DNAH17: variants seen among roughly 807,000 people sequenced by gnomAD.
DNAH17 encodes the protein dynein axonemal heavy chain 17, also known as axonemal beta dynein heavy chain 17.
In DNAH17, 376 loss-of-function variants were observed where a neutral mutation model predicts 485.6. The observed-to-expected ratio is 0.77, with a 90% CI of 0.71 to 0.84. The LOEUF is 0.84. DNAH17 is among the 40% of genes least tolerant of loss of function. The probability of loss-of-function intolerance (pLI) is 0.00; values close to 1 mark genes in which losing one functional copy is unlikely to be tolerated. For synonymous variants in DNAH17, 3,031 were observed against 2,405.9 expected (o/e 1.26, Z -7.60); for missense variants, 6,370 against 5,839.3 (o/e 1.09, Z -2.96).
At position 78,444,653 on chromosome 17, in the gene DNAH17, G is replaced by A. The variant is rs1437592351; in HGVS notation, c.11479C>T (p.Leu3827=). 3 of 1,605,936 alleles carry A rather than the reference G, an allele frequency of 1.9e-6. No individual in the cohort carries two copies. Among genetic ancestry groups the A allele is most frequent in the Non-Finnish European group, 2.5e-6 (3 of 1,176,932 alleles). ...EWKNKTALQK[L]CMVRCLRPDR... ...GGCCGCAGGCAGCGCACCATGCACA[G>A]CTTCTGCAGGGCCGTCTTGTTCTTC... Residue 3827 remains leucine, a synonymous_variant, in exon 71 of 81, where the codon CTG becomes TTG. Transcript: ENST00000389840.
At chr17:78,546,228 G>T (rs1248440339) in intron 16 of DNAH17, among the ~76,000 whole-genome samples, 2 of 152,178 alleles carry the variant, frequency 1.3e-5, no homozygotes, top group Non-Finnish European at 2.9e-5. Flanking sequence ...GCTCGGCTGT[G>T]AGAACTGCCA....
At chr17:78,473,270 C>T (rs988684963) in intron 54 of DNAH17, among the ~76,000 whole-genome samples, 9 of 152,152 alleles carry the variant, frequency 5.9e-5, no homozygotes, top group Non-Finnish European at 1.0e-4. Flanking sequence ...GATGGCCGGG[C>T]GCAGTGGCTC....
intron 19 of DNAH17, 52 bp downstream of exon 19, chr17:78,537,247 T>C: frequency 6.6e-7 from 1 of 1,514,608 alleles, no homozygotes; most frequent in Non-Finnish European, 8.9e-7. Flanking sequence ...CAACACCAAA[T>C]GGGGAAAGCA....
rs1287034802 is a variant in DNAH17, at chr17:78,424,202, G to A, written c.13142-49C>T. Reference sequence around the variant, plus strand: ...GTCAGGTGTGCTGCCAGTAAGTGAGGGAGGGGCTGGCAGGAAGGGTGGGGT... The same window carrying A: ...GTCAGGTGTGCTGCCAGTAAGTGAGAGAGGGGCTGGCAGGAAGGGTGGGGT... On this transcript the variant is annotated intron_variant, in intron 80 of 80. Transcript: ENST00000389840. 4.5e-6 allele frequency: 7 copies of A among 1,563,740 alleles called. No homozygotes were observed. The South Asian group carries it at 8.3e-5, about 18-fold the overall frequency.
rs539741740 is a variant in DNAH17 at position 78,566,285 on chromosome 17, T to C, written c.1569+329A>G. Among the ~76,000 whole-genome samples, 95 of 152,342 alleles carry C rather than the reference T, an allele frequency of 6.2e-4. 1 individual carries two copies. Among genetic ancestry groups the C allele is most frequent in the Admixed American group, 3.1e-3 (48 of 15,296 alleles). ...TTTATTTTTACACCAACTTTACCTC[T>C]TTAACTTTCACTCCTTTTGAGTAGT... On this transcript the variant is annotated intron_variant, in intron 11 of 80. Coordinates refer to ENST00000389840, the MANE Select transcript of DNAH17 (RefSeq NM_173628.4).
intron 41 of DNAH17, among the ~76,000 whole-genome samples, chr17:78,493,824 C>A (rs1011770938): frequency 2.6e-5 from 4 of 152,206 alleles, no homozygotes; most frequent in Non-Finnish European, 5.9e-5. Flanking sequence ...GGAGGCCTCA[C>A]CCAGGGATCA....
chr17:78,543,769 T>A, intron 17 of DNAH17, 88 bp downstream of exon 17: 1 of 1,588,678 alleles, frequency 6.3e-7, no homozygotes, highest in Non-Finnish European at 8.6e-7. Context: ...CACTAATCAT[T>A]TTTATGAAAT....
In DNAH17 at chr17:78,489,789, G is replaced by A. The variant is rs528575262; in HGVS notation, c.6818+910C>T. On this transcript the variant is annotated intron_variant, in intron 44 of 80. Coordinates refer to ENST00000389840, the MANE Select transcript of DNAH17 (RefSeq NM_173628.4). ...CCCAGCATGGAATATCCTGGGGTTG[G>A]ACACACATGGCAGGTGTGCGAAGTA... Among the ~76,000 whole-genome samples the A allele has an allele frequency of 8.1e-5, 10 of 124,018 alleles. No individual in the cohort carries two copies. In the East Asian group the frequency reaches 2.2e-3, roughly 27 times the overall value. The allele number at this position is 124,018 out of a possible 152,430, so 81.4% of individuals were successfully genotyped here. A position where few individuals can be genotyped will look rare whatever the true frequency, so the allele number is the denominator to read the frequency against.
chr17:78,486,565 T>TG, intron 44 of DNAH17, 59 bp from the exon 45 acceptor site: 1 of 1,534,260 alleles, frequency 6.5e-7, no homozygotes, highest in Non-Finnish European at 8.8e-7. Flanking sequence ...CCAGTGTCCC[T>TG]GCCTTGGTAA....
chr17:78,480,578 T>TTA, intron 49 of DNAH17, 106 bp downstream of exon 49: 1 of 870,426 alleles, frequency 1.1e-6, no homozygotes, highest in African/African-American at 1.8e-5. Context: ...CCAGAAAATG[T>TTA]CGGCCTGCAG....
At chr17:78,426,840 T>G in intron 78 of DNAH17, 86 bp downstream of exon 78, 14 of 1,490,232 alleles carry the variant, frequency 9.4e-6, no homozygotes, top group African/African-American at 1.4e-5. Context: ...CCGGGGCCTG[T>G]GCTAGGCCTG....
chr17:78,493,875 C>G (rs2089963525), intron 41 of DNAH17, 161 bp downstream of exon 41: 1 of 1,055,918 alleles, frequency 9.5e-7, no homozygotes, highest in African/African-American at 1.6e-5. Flanking sequence ...CCTCCTCGGC[C>G]CCCAGCTTCC....
At position 78,461,544 on chromosome 17, in the gene DNAH17, C is replaced by CT. The variant is rs1568086784; in HGVS notation, c.9338dup (p.Asn3114GlufsTer4). Reference sequence around the variant, plus strand: ...GGCACGCTGGGCTGCCTTCACCTACCTTATTGATGACCTCGACCTTGACTT... The same window carrying CT: ...GGCACGCTGGGCTGCCTTCACCTACCTTTATTGATGACCTCGACCTTGACTT... On this transcript the variant is annotated frameshift_variant and splice_region_variant, in exon 58 of 81. Transcript: ENST00000389840. LOFTEE classifies it high-confidence loss of function. 1 of 1,584,320 alleles carries CT rather than the reference C, an allele frequency of 6.3e-7. No individual in the cohort carries two copies. The highest frequency in any genetic ancestry group is 1.2e-5 in the South Asian group (1 of 86,498).
chr17:78,535,580 C>CAT (rs952985993), intron 19 of DNAH17, among the ~76,000 whole-genome samples: 10 of 152,214 alleles, frequency 6.6e-5, no homozygotes, highest in Admixed American at 4.6e-4. Flanking sequence ...CAGGACAGCT[C>CAT]ATCTCGCTGT....
In DNAH17 at chr17:78,451,911, C is replaced by T. The variant is rs1003629574; in HGVS notation, c.10530-238G>A. Among the ~76,000 whole-genome samples the T allele has an allele frequency of 3.9e-5, 6 of 152,200 alleles. No homozygotes were observed. In the East Asian group the frequency reaches 9.7e-4, roughly 25 times the overall value. On this transcript the variant is annotated intron_variant, in intron 65 of 80. Transcript: ENST00000389840. Reference sequence around the variant, plus strand: ...TGGGTGATCAGGCTCATCTTTGCAGCAGGGTTTACACCCCTCTGGCGATAC... The same window carrying T: ...TGGGTGATCAGGCTCATCTTTGCAGTAGGGTTTACACCCCTCTGGCGATAC...
chr17:78,537,002 A>G (rs143050094), intron 19 of DNAH17, among the ~76,000 whole-genome samples: 113 of 151,896 alleles, frequency 7.4e-4, no homozygotes, highest in African/African-American at 2.6e-3. Flanking sequence ...GGTTAAACCC[A>G]GTCTCTACTA....
chr17:78,541,291 T>TGGGTG (rs1325767801), intron 17 of DNAH17, among the ~76,000 whole-genome samples: 1 of 15,524 alleles, frequency 6.4e-5, no homozygotes, highest in African/African-American at 3.2e-4. Context: ...AGCAGATGGG[T>TGGGTG]GGGTGGGGTG....
intron 16 of DNAH17, among the ~76,000 whole-genome samples, chr17:78,546,517 C>G (rs914441484): frequency 6.6e-6 from 1 of 152,110 alleles, no homozygotes; most frequent in Non-Finnish European, 1.5e-5. Context: ...CTTTTATATT[C>G]TTTACTGATT....
intron 42 of DNAH17, among the ~76,000 whole-genome samples, chr17:78,491,836 C>T (rs944989999): frequency 2.7e-4 from 41 of 152,336 alleles, no homozygotes; most frequent in African/African-American, 9.6e-4. Flanking sequence ...GTGGCCCTGG[C>T]TGGCTCAGTT....
Sources: gnomAD v4.1 joint callset for allele counts (sites outside exome capture counted in the v4.1 genomes callset) on GRCh38, gnomAD v4.1.1 for gene constraint, MANE v1.5 for transcripts, NCBI Gene and HGNC (gene_info 2026-07-23, HGNC 2026-07-21) for gene names.